Variants in CRTC3 observed in about 807,000 individuals in gnomAD.
CRTC3 encodes CREB-regulated transcription coactivator 3.
A neutral mutation model predicts 74.5 loss-of-function variants in CRTC3; 26 were observed. The ratio of observed to expected loss-of-function variants is 0.35; its 90% CI spans 0.26 to 0.48. CRTC3 has a LOEUF of 0.48. Among genes scored for constraint, CRTC3 ranks in the 20% least tolerant of loss-of-function variants. The pLI, the probability that CRTC3 is intolerant of heterozygous loss-of-function variation, is 0.99. For missense variants in CRTC3, 760 were observed against 787.3 expected (o/e 0.97, Z 0.41); for synonymous variants, 377 against 325.8 (o/e 1.16, Z -1.69).
chr15:90,572,149 G>A (rs1967282380), intron 2 of CRTC3, among the ~76,000 whole-genome samples: 2 of 118,728 alleles, frequency 1.7e-5, no homozygotes, highest in African/African-American at 3.5e-5. Flanking sequence ...CTGACAGAGC[G>A]AGATTCTTTC....
intron 3 of CRTC3, among the ~76,000 whole-genome samples, chr15:90,597,041 CT>C (rs994367131): frequency 1.1e-4 from 16 of 152,260 alleles, no homozygotes; most frequent in African/African-American, 3.6e-4. Context: ...CAGGAGATTC[CT>C]TCTGGAGTGG....
intron 6 of CRTC3, among the ~76,000 whole-genome samples, chr15:90,613,186 A>G (rs112197107): frequency 1.6e-3 from 10 of 6,354 alleles, no homozygotes; most frequent in African/African-American, 3.8e-3. Flanking sequence ...CTGTCTCGGG[A>G]AAAAAAAAAA....
chr15:90,608,863 A>G (rs188728684), intron 6 of CRTC3, among the ~76,000 whole-genome samples: 1 of 152,258 alleles, frequency 6.6e-6, no homozygotes, highest in East Asian at 1.9e-4. Flanking sequence ...TTTCAAGCCT[A>G]CCTTTCTGGG....
Position 90,638,717 on chromosome 15 carries a change from T to C in CRTC3, c.1468-18T>C, listed in dbSNP as rs1206797820. ...CTCTGAGTTCCAAGCTAAATGATCA[T>C]CTCCTTATTCCCTGAAGGGCTCATC... is the stretch of plus-strand genomic sequence containing the variant. On this transcript the variant is annotated intron_variant, in intron 12 of 14. Coordinates refer to ENST00000268184, the MANE Select transcript of CRTC3 (RefSeq NM_022769.5). The C allele has an allele frequency of 2.7e-5, 44 of 1,613,612 alleles. No individual in the cohort carries two copies. Among genetic ancestry groups the C allele is most frequent in the Non-Finnish European group, 3.6e-5 (43 of 1,179,656 alleles).
chr15:90,587,023 C>T (rs1415378067), intron 2 of CRTC3, among the ~76,000 whole-genome samples: 1 of 152,212 alleles, frequency 6.6e-6, no homozygotes, highest in Non-Finnish European at 1.5e-5. Context: ...TTCTAATTAA[C>T]CACAAACATA....
intron 3 of CRTC3, chr15:90,595,462 G>A (rs1199069974): frequency 6.6e-6 from 1 of 151,712 alleles, no homozygotes; most frequent in Non-Finnish European, 1.5e-5. Flanking sequence ...GTCCCAGGCT[G>A]AGGCAGGAGA....
At chr15:90,554,532 T>C (rs931693154) in intron 2 of CRTC3, among the ~76,000 whole-genome samples, 7 of 152,240 alleles carry the variant, frequency 4.6e-5, no homozygotes, top group African/African-American at 1.7e-4. Context: ...TTGTTCCTAT[T>C]GCTCCTGCTT....
chr15:90,587,677 G>A (rs1967697094), intron 2 of CRTC3, among the ~76,000 whole-genome samples: 1 of 152,072 alleles, frequency 6.6e-6, no homozygotes, highest in South Asian at 2.1e-4. Context: ...GTAGTGGCAG[G>A]ATCTCAGTTC....
intron 3 of CRTC3, chr15:90,594,289 A>G (rs1342936934): frequency 1.3e-5 from 2 of 152,286 alleles, no homozygotes; most frequent in African/African-American, 2.4e-5. Flanking sequence ...AGTCACACCA[A>G]ACTCTGCTGT....
chr15:90,610,565 G>A (rs901785023), intron 6 of CRTC3, among the ~76,000 whole-genome samples: 1 of 152,190 alleles, frequency 6.6e-6, no homozygotes, highest in African/African-American at 2.4e-5. Flanking sequence ...TAAGCAGTTG[G>A]TATAAATGAC....
At chr15:90,629,734 CTTTTT>C (rs1358939536) in intron 11 of CRTC3, among the ~76,000 whole-genome samples, 1 of 152,106 alleles carries the variant, frequency 6.6e-6, no homozygotes, top group East Asian at 1.9e-4. Flanking sequence ...ATTTTCTTTT[CTTTTT>C]TTGAGAAAGG....
chr15:90,546,962 A>G (rs1366103183), intron 2 of CRTC3, among the ~76,000 whole-genome samples: 1 of 152,206 alleles, frequency 6.6e-6, no homozygotes, highest in South Asian at 2.1e-4. Flanking sequence ...CATTGAATCT[A>G]TAGATAGGTT....
intron 2 of CRTC3, among the ~76,000 whole-genome samples, chr15:90,563,882 GCCTT>G (rs1239265609): frequency 6.6e-6 from 1 of 151,866 alleles, no homozygotes; most frequent in East Asian, 1.9e-4. Context: ...CTTTCTTCCC[GCCTT>G]CCTTCCTTTT....
chr15:90,622,893 G>T (rs1049537575), intron 9 of CRTC3, among the ~76,000 whole-genome samples: 1 of 152,114 alleles, frequency 6.6e-6, no homozygotes, highest in Non-Finnish European at 1.5e-5. Flanking sequence ...TTTATATTCA[G>T]TTTTTCTACA....
Position 90,644,366 on chromosome 15 carries a change from A to G in CRTC3, c.*2226A>G. Reference sequence around the variant, plus strand: ...CTGATGTTTCAAGAATTGTGTTTTTATAAAACAGAGGTCTCAGCATAGTCA... The same window carrying G: ...CTGATGTTTCAAGAATTGTGTTTTTGTAAAACAGAGGTCTCAGCATAGTCA... On this transcript the variant is annotated 3_prime_UTR_variant, in exon 15 of 15. Transcript: ENST00000268184. The G allele has an allele frequency of 4.3e-6, 1 of 230,504 alleles. No individual in the cohort carries two copies. Among genetic ancestry groups the G allele is most frequent in the Non-Finnish European group, 8.6e-6 (1 of 116,348 alleles). The allele number at this position is 230,504 out of a possible 1,614,324, so 14.3% of individuals were successfully genotyped here. A position where few individuals can be genotyped will look rare whatever the true frequency, so the allele number is the denominator to read the frequency against.
chr15:90,591,652 A>G (rs930193214), intron 2 of CRTC3, among the ~76,000 whole-genome samples: 1 of 152,186 alleles, frequency 6.6e-6, no homozygotes, highest in Non-Finnish European at 1.5e-5. Context: ...CCTTGTCTCT[A>G]CAAAAAAATA....
At chr15:90,602,627 A>C (rs949150187) in intron 4 of CRTC3, among the ~76,000 whole-genome samples, 1 of 148,348 alleles carries the variant, frequency 6.7e-6, no homozygotes, top group African/African-American at 2.5e-5. Flanking sequence ...GCAAGACGCC[A>C]TCTCTTAAAA....
chr15:90,585,659 C>T (rs1222863584), intron 2 of CRTC3, among the ~76,000 whole-genome samples: 1 of 152,194 alleles, frequency 6.6e-6, no homozygotes, highest in Non-Finnish European at 1.5e-5. Flanking sequence ...CACTTCAGCT[C>T]TCTGTACCTT....
intron 2 of CRTC3, among the ~76,000 whole-genome samples, chr15:90,590,463 T>C (rs1967774283): frequency 6.6e-6 from 1 of 151,744 alleles, no homozygotes; most frequent in South Asian, 2.1e-4. Flanking sequence ...TGCAGTGGCA[T>C]GATCTTGGCT....
Sources: allele counts gnomAD v4.1 joint callset (sites outside exome capture counted in the v4.1 genomes callset), GRCh38; gene constraint gnomAD v4.1.1; transcripts MANE v1.5; gene names NCBI Gene and HGNC (gene_info 2026-07-23, HGNC 2026-07-21).